Variants in PCSK7 observed in about 807,000 individuals in gnomAD.
PCSK7 encodes the protein proprotein convertase subtilisin/kexin type 7.
PCSK7 carries 38 observed loss-of-function variants against 73.3 expected under a neutral mutation model. That is an observed-to-expected ratio of 0.52 (90% CI 0.40 to 0.68). The LOEUF (loss-of-function observed/expected upper bound fraction) is 0.68, where lower values mean the gene tolerates loss of function less well. PCSK7 is among the 30% of genes least tolerant of loss of function. The pLI is 0.00. For missense variants in PCSK7, 692 were observed against 991.5 expected, an observed-to-expected ratio of 0.70 and a Z score of 4.06; for synonymous variants, 296 against 383.8, an observed-to-expected ratio of 0.77 and a Z score of 2.68.
At chr11:117,227,536 A>C (rs2032477959) in intron 4 of PCSK7, among the ~76,000 whole-genome samples, 1 of 152,186 alleles carries the variant, frequency 6.6e-6, no homozygotes, top group Non-Finnish European at 1.5e-5. Context: ...ACTGCCTCCC[A>C]GGTTCAAGCG....
At chr11:117,213,820 C>G (rs755939312) in intron 12 of PCSK7, 1 of 151,972 alleles carries the variant, frequency 6.6e-6, no homozygotes, top group African/African-American at 2.4e-5. Context: ...GCTAACGCTG[C>G]GAACAGTGAT....
intron 16 of PCSK7, 65 bp from the exon 17 acceptor site, chr11:117,206,421 A>C (rs1158429774): frequency 4.5e-6 from 7 of 1,546,974 alleles, no homozygotes; most frequent in African/African-American, 4.1e-5. Context: ...TTCTCAGCCC[A>C]GGACAATGAG....
At chr11:117,214,536 G>C (rs891505377) in intron 12 of PCSK7, 1 of 152,374 alleles carries the variant, frequency 6.6e-6, no homozygotes, top group African/African-American at 2.4e-5. Flanking sequence ...GAAGCTACAG[G>C]AGGAGAGACG....
In PCSK7 at chr11:117,216,432, A is replaced by ATTTTTTTTTT. The variant is rs761129566; in HGVS notation, c.1534+2033_1534+2034insAAAAAAAAAA. The ATTTTTTTTTT allele has an allele frequency of 6.9e-5, 8 of 115,824 alleles. 1 individual carries two copies. The highest frequency in any genetic ancestry group is 3.2e-4 in the South Asian group (1 of 3,160). The allele number at this position is 115,824 out of a possible 1,614,324, so 7.2% of individuals were successfully genotyped here. On this transcript the variant is annotated intron_variant, in intron 12 of 16. Coordinates refer to ENST00000320934, the MANE Select transcript of PCSK7 (RefSeq NM_004716.4). ...CCTGGGACTGAGCTGCTCAACTCTC[A>ATTTTTTTTTT]ATTTTTTTTTTTTTTTTTTTTTTTG...
chr11:117,211,047 C>G (rs171052), intron 12 of PCSK7: 57,291 of 152,102 alleles, frequency 0.38, 12,815 homozygotes, highest in East Asian at 0.63. Flanking sequence ...GGGTGGGATG[C>G]GCTTTAAAGA....
Position 117,204,646 on chromosome 11 carries a change from G to A in PCSK7, c.*1351C>T. ...TAAGCAGGGGAGAAGCGGGCTGGGGGTAGCCTGGATGTGGGCCAAGTCCAC... is the reference window on the plus strand; with the variant it reads ...TAAGCAGGGGAGAAGCGGGCTGGGGATAGCCTGGATGTGGGCCAAGTCCAC... On this transcript the variant is annotated 3_prime_UTR_variant, in exon 17 of 17. Transcript: ENST00000320934. 2.0e-6 allele frequency: 1 copy of A among 510,562 alleles called. No homozygotes were observed. The highest frequency in any genetic ancestry group is 3.6e-6 in the Non-Finnish European group (1 of 275,910). 31.6% of individuals were successfully genotyped at this position (510,562 alleles called of 1,614,324 possible).
At position 117,219,049 on chromosome 11, in the gene PCSK7, C is replaced by T. The variant is rs79764478; in HGVS notation, c.1431+8G>A. The stretch of plus-strand genomic sequence containing the variant: ...ACAGGGCACCCTGCCCTGCCAACAC[C>T]TGTTCACCTTGGCTGCATTCACGAG... On this transcript the variant is annotated splice_region_variant and intron_variant, in intron 11 of 16. Transcript: ENST00000320934. 5.2e-4 allele frequency: 823 copies of T among 1,598,024 alleles called. 3 individuals are homozygous for T. The highest frequency in any genetic ancestry group is 4.4e-3 in the African/African-American group (328 of 74,840).
intron 9 of PCSK7, chr11:117,222,449 A>G (rs536386502): frequency 1.3e-5 from 2 of 152,094 alleles, no homozygotes; most frequent in Non-Finnish European, 2.9e-5. Context: ...CGACAACCAG[A>G]CTAGCTTTCC....
intron 4 of PCSK7, 145 bp downstream of exon 4, chr11:117,228,071 G>C (rs549886740): frequency 7.0e-6 from 5 of 712,452 alleles, no homozygotes; most frequent in South Asian, 5.7e-5. Context: ...TGGCTAGCTA[G>C]GGAAAAGAAG....
intron 2 of PCSK7, chr11:117,230,084 C>T (rs1206115298): frequency 4.2e-6 from 2 of 473,382 alleles, no homozygotes; most frequent in East Asian, 3.4e-5. Flanking sequence ...GATGGCCTCC[C>T]ACAGCAAGAC....
intron 3 of PCSK7, 47 bp downstream of exon 3, chr11:117,229,330 A>G (rs2032549930): frequency 1.4e-6 from 2 of 1,414,444 alleles, no homozygotes; most frequent in Non-Finnish European, 2.0e-6. Context: ...AAAGAACTGG[A>G]CTGGAACCTA....
intron 1 of PCSK7, chr11:117,231,124 T>C (rs920385164): frequency 4.0e-5 from 6 of 151,804 alleles, no homozygotes; most frequent in African/African-American, 1.5e-4. Flanking sequence ...GACATGTGTG[T>C]ACCTATGGTG....
chr11:117,227,871 T>C (rs187593298), intron 4 of PCSK7, among the ~76,000 whole-genome samples: 1 of 151,932 alleles, frequency 6.6e-6, no homozygotes, highest in Admixed American at 6.6e-5. Flanking sequence ...TGCCTACAGC[T>C]CCACGGCTTG....
At chr11:117,223,654 T>C (rs2032295376) in intron 8 of PCSK7, 1 of 362,482 alleles carries the variant, frequency 2.8e-6, no homozygotes, top group Admixed American at 4.3e-5. Flanking sequence ...CAGGGCCATA[T>C]GGAAAAGGCC....
In PCSK7 at chr11:117,205,492, T is replaced by A. The variant is rs115012960; in HGVS notation, c.*505A>T. 1,030 of 234,180 alleles carry A rather than the reference T, an allele frequency of 4.4e-3. 11 individuals carry two copies. The highest frequency in any genetic ancestry group is 0.021 in the African/African-American group (962 of 45,486). The allele number at this position is 234,180 out of a possible 1,614,324, so 14.5% of individuals were successfully genotyped here. A position where few individuals can be genotyped will look rare whatever the true frequency, so the allele number is the denominator to read the frequency against. On this transcript the variant is annotated 3_prime_UTR_variant, in exon 17 of 17. Transcript: ENST00000320934. ...GAAGGAGCCAGGGGTTCATTCATGGTTGGTTTCTGATCAGGCATCTTGGGA... is the reference window on the plus strand; with the variant it reads ...GAAGGAGCCAGGGGTTCATTCATGGATGGTTTCTGATCAGGCATCTTGGGA...
intron 12 of PCSK7, chr11:117,217,634 GC>G (rs1300455059): frequency 6.6e-6 from 1 of 152,206 alleles, no homozygotes; most frequent in Non-Finnish European, 1.5e-5. Flanking sequence ...TCCTTCTCCT[GC>G]CATGGCTCTC....
rs1386435668 is a variant in PCSK7, at chr11:117,205,135, G to GA, written c.*861dup. ...AAAAAATTCAAGAAAATGTTGCTGT[G>GA]AAAAGAGAAAAACAAATCTTAAGCA... On this transcript the variant is annotated 3_prime_UTR_variant, in exon 17 of 17. Coordinates refer to ENST00000320934, the MANE Select transcript of PCSK7 (RefSeq NM_004716.4). 1 of 231,556 alleles carries GA rather than the reference G, an allele frequency of 4.3e-6. No homozygotes were observed. The highest frequency in any genetic ancestry group is 2.2e-5 in the African/African-American group (1 of 45,196). 14.3% of individuals were successfully genotyped at this position (231,556 alleles called of 1,614,324 possible).
chr11:117,225,419 C>T (rs767090640), intron 6 of PCSK7: 2 of 158,660 alleles, frequency 1.3e-5, no homozygotes, highest in Non-Finnish European at 2.8e-5. Context: ...TCTTGGTTCT[C>T]AGGTTGAGGA....
At position 117,228,338 on chromosome 11, in the gene PCSK7, T is replaced by G. The variant is rs2032510086; in HGVS notation, c.481A>C (p.Ser161Arg). Reference protein sequence around the residue: ...PQQWHLNNRRSPGRDINVTGV... With the variant: ...PQQWHLNNRRRPGRDINVTGV... The stretch of plus-strand genomic sequence containing the variant: ...GTCACGTTGATGTCCCTGCCCGGGC[T>G]CCGTCGGTTATTCTGTAAGAGAGAC... Residue 161 changes from serine (S) to arginine (R), a missense_variant, in exon 4 of 17, where the codon AGC becomes CGC. By Grantham distance (110) the Ser-to-Arg change is moderately radical (BLOSUM62 -1). Coordinates refer to ENST00000320934, the MANE Select transcript of PCSK7 (RefSeq NM_004716.4). 6.2e-7 allele frequency: 1 copy of G among 1,613,902 alleles called. No homozygotes were observed.
Sources: gnomAD v4.1 joint callset for allele counts (sites outside exome capture counted in the v4.1 genomes callset) on GRCh38, gnomAD v4.1.1 for gene constraint, MANE v1.5 for transcripts, NCBI Gene and HGNC (gene_info 2026-07-23, HGNC 2026-07-21) for gene names.